ITPR3: variants seen among roughly 807,000 people sequenced by gnomAD.
ITPR3 encodes the protein inositol 1,4,5-trisphosphate receptor type 3, also known as inositol 1,4,5-trisphosphate-gated calcium channel ITPR3.
In ITPR3, 173 loss-of-function variants were observed where a neutral mutation model predicts 293.2. The observed-to-expected ratio is 0.59, with a 90% CI of 0.52 to 0.67. ITPR3 has a LOEUF of 0.67. Ranked by LOEUF, ITPR3 falls within the 30% of genes least tolerant of loss-of-function variation. ITPR3 has a pLI of 0.00. For synonymous variants in ITPR3, 1,295 were observed against 1,444.4 expected, an observed-to-expected ratio of 0.90 and a Z score of 2.35; for missense variants, 2,796 against 3,592.1, an observed-to-expected ratio of 0.78 and a Z score of 5.66.
rs1763448221 is a variant in ITPR3, at chr6:33,621,976, C to T, written c.89+285C>T. Reference sequence around the variant, plus strand: ...GAGGGGGCGGAGGGACGGAGGCTTCCTTTGCAGGTGGTCCCGGGGGCGGGC... The same window carrying T: ...GAGGGGGCGGAGGGACGGAGGCTTCTTTTGCAGGTGGTCCCGGGGGCGGGC... On this transcript the variant is annotated intron_variant, in intron 1 of 57. Transcript: ENST00000605930. The surrounding 1 kb of genome is among the most constrained non-coding windows in gnomAD (Gnocchi z 7.7). Among the ~76,000 whole-genome samples the T allele has an allele frequency of 6.6e-6, 1 of 152,154 alleles. No homozygotes were observed.
intron 6 of ITPR3, 89 bp downstream of exon 6, chr6:33,659,208 C>A: frequency 7.9e-7 from 1 of 1,264,530 alleles, no homozygotes; most frequent in Non-Finnish European, 1.1e-6. Flanking sequence ...ATGGTCTCTG[C>A]CTCCAGCCCC....
At chr6:33,686,617 T>C in intron 43 of ITPR3, 98 bp downstream of exon 43, 1 of 927,828 alleles carries the variant, frequency 1.1e-6, no homozygotes, top group Non-Finnish European at 1.8e-6. Context: ...TGGTGTGTAA[T>C]GTGGGTGTTA....
At chr6:33,629,265 G>A (rs1407439470) in intron 1 of ITPR3, among the ~76,000 whole-genome samples, 2 of 152,052 alleles carry the variant, frequency 1.3e-5, no homozygotes, top group Non-Finnish European at 2.9e-5. Flanking sequence ...ACATCCCTAT[G>A]TAACTACAGT....
chr6:33,689,025 G>A (rs543011805), intron 49 of ITPR3, among the ~76,000 whole-genome samples: 2 of 152,356 alleles, frequency 1.3e-5, no homozygotes, highest in South Asian at 4.1e-4. Context: ...ACGCATAGAT[G>A]TGTCAGCCAG....
chr6:33,644,332 A>G (rs1764018006), intron 2 of ITPR3, among the ~76,000 whole-genome samples: 1 of 150,100 alleles, frequency 6.7e-6, no homozygotes, highest in Non-Finnish European at 1.5e-5. Flanking sequence ...CTTGTTGTCC[A>G]GGCTGGTCTG....
chr6:33,663,412 C>T, intron 9 of ITPR3, 88 bp from the exon 10 acceptor site: 2 of 1,342,332 alleles, frequency 1.5e-6, no homozygotes, highest in Non-Finnish European at 2.1e-6. Flanking sequence ...AAACCCAGGG[C>T]CCTATGTAGG....
At position 33,675,992 on chromosome 6, in the gene ITPR3, T is replaced by C; in HGVS notation, c.3282+136T>C. ...ATTTGGGGTTTTCAGCCTTGCTGAGTTCCTAGGTGAAGACTGAGTCTCCTG... is the reference window on the plus strand; with the variant it reads ...ATTTGGGGTTTTCAGCCTTGCTGAGCTCCTAGGTGAAGACTGAGTCTCCTG... On this transcript the variant is annotated intron_variant, in intron 25 of 57. Transcript: ENST00000605930. This position sits in a 1 kb window ranked among gnomAD's most constrained non-coding sequence, Gnocchi z 5.0. 1 of 1,053,730 alleles carries C rather than the reference T, an allele frequency of 9.5e-7. No individual in the cohort carries two copies. The highest frequency in any genetic ancestry group is 1.3e-6 in the Non-Finnish European group (1 of 754,872). The allele number at this position is 1,053,730 out of a possible 1,614,324, so 65.3% of individuals were successfully genotyped here. A position where few individuals can be genotyped will look rare whatever the true frequency, so the allele number is the denominator to read the frequency against.
In ITPR3 at chr6:33,658,881, T is replaced by C. The variant is rs1030972182; in HGVS notation, c.528+53T>C. ...CCTGGTGGAACTCCCGAGGGGCTTC[T>C]GTAGGGTCTTCGGTGTGGGGACTGG... On this transcript the variant is annotated intron_variant, in intron 5 of 57. Transcript: ENST00000605930. The surrounding 1 kb of genome is among the most constrained non-coding windows in gnomAD (Gnocchi z 6.1). 5 of 1,608,430 alleles carry C rather than the reference T, an allele frequency of 3.1e-6. No individual in the cohort carries two copies. The highest frequency in any genetic ancestry group is 4.5e-5 in the East Asian group (2 of 44,780).
At chr6:33,642,820 C>T (rs1763980404) in intron 2 of ITPR3, among the ~76,000 whole-genome samples, 1 of 152,296 alleles carries the variant, frequency 6.6e-6, no homozygotes, top group African/African-American at 2.4e-5. Context: ...AAGGTTCAGA[C>T]TCCATCTCCT....
At chr6:33,630,144 T>C (rs148300329) in intron 1 of ITPR3, among the ~76,000 whole-genome samples, 3 of 152,306 alleles carry the variant, frequency 2.0e-5, no homozygotes, top group African/African-American at 4.8e-5. Context: ...CATTTTCTTA[T>C]GCCTCTTCAG....
At chr6:33,674,893 G>A (rs1319719061) in intron 24 of ITPR3, among the ~76,000 whole-genome samples, 1 of 152,170 alleles carries the variant, frequency 6.6e-6, no homozygotes, top group Non-Finnish European at 1.5e-5. Context: ...TCAAGGCAGC[G>A]ACGAATATAA....
chr6:33,672,223 C>G lies in ITPR3; in HGVS notation c.2923C>G (p.Leu975Val). Residue 975 changes from leucine to valine, a missense_variant, in exon 22 of 58, where the codon CTT (leucine) becomes GTT (valine). By Grantham distance (32) the Leu-to-Val change is conservative (BLOSUM62 1). Coordinates refer to ENST00000605930, the MANE Select transcript of ITPR3 (RefSeq NM_002224.4). This position sits in a 1 kb window ranked among gnomAD's most constrained non-coding sequence, Gnocchi z 5.0. ...METKLKILEI[L>V]QFILNVRLDY... ...GACCAAGCTGAAGATCCTGGAAATC[C>G]TTCAGGTGCCTGGGCCAGGACCGTG... 1 of 1,610,502 alleles carries G rather than the reference C, an allele frequency of 6.2e-7. No homozygotes were observed. The highest frequency in any genetic ancestry group is 8.5e-7 in the Non-Finnish European group (1 of 1,178,252).
intron 2 of ITPR3, among the ~76,000 whole-genome samples, chr6:33,649,803 C>A (rs1376718309): frequency 2.0e-5 from 3 of 152,102 alleles, no homozygotes; most frequent in Non-Finnish European, 2.9e-5. Flanking sequence ...TTTAAAAATG[C>A]ATATTCCTAG....
chr6:33,691,745 C>G lies in ITPR3; in HGVS notation c.7330+26C>G, dbSNP rs78563544. ...GTGAGGGTGGTGTGTGTGCAGGAGT[C>G]TGTGTGGGGTAGGAGGAGCAGGCAG... On this transcript the variant is annotated intron_variant, in intron 53 of 57. Transcript: ENST00000605930. This position sits in a 1 kb window ranked among gnomAD's most constrained non-coding sequence, Gnocchi z 4.9. 13 of 1,612,822 alleles carry G rather than the reference C, an allele frequency of 8.1e-6. No individual in the cohort carries two copies. The highest frequency in any genetic ancestry group is 2.2e-5 in the East Asian group (1 of 44,824).
At chr6:33,650,795 G>A (rs892371537) in intron 2 of ITPR3, among the ~76,000 whole-genome samples, 11 of 150,118 alleles carry the variant, frequency 7.3e-5, no homozygotes, top group African/African-American at 2.7e-4. Flanking sequence ...GGATCTTCAA[G>A]CTTTTTTTTT....
intron 2 of ITPR3, among the ~76,000 whole-genome samples, chr6:33,647,479 A>G (rs753106170): frequency 5.9e-5 from 9 of 152,196 alleles, no homozygotes; most frequent in Non-Finnish European, 8.8e-5. Context: ...TCATCTTGCA[A>G]AACTGAAACT....
chr6:33,688,217 A>G, intron 47 of ITPR3, 22 bp from the exon 48 acceptor site: 1 of 1,614,090 alleles, frequency 6.2e-7, no homozygotes. Context: ...GCCGGGCGTG[A>G]CCATGTGCTG....
chr6:33,682,563 A>C lies in ITPR3; in HGVS notation c.4516A>C (p.Thr1506Pro). 6.3e-7 allele frequency: 1 copy of C among 1,584,298 alleles called. No individual in the cohort carries two copies. Among genetic ancestry groups the C allele is most frequent in the South Asian group, 1.1e-5 (1 of 87,858 alleles). The change falls in exon 34 of 58, where the codon ACA becomes CCA. Residue 1506 changes from threonine (T) to proline (P), a missense_variant. By Grantham distance (38) the Thr-to-Pro change is conservative. Transcript: ENST00000605930. The surrounding 1 kb of genome is among the most constrained non-coding windows in gnomAD (Gnocchi z 5.4). ...TIVVQLLQST[T>P]RLLECPWLQQ... The stretch of plus-strand genomic sequence containing the variant: ...TGTGGTGCAGCTGCTGCAGTCTACC[A>C]CACGCCTCCTCGAGTGTCCGTGGCT...
Position 33,659,247 on chromosome 6 carries a change from A to C in ITPR3, c.627+128A>C, listed in dbSNP as rs541169175. On this transcript the variant is annotated intron_variant, in intron 6 of 57. Transcript: ENST00000605930. Reference sequence around the variant, plus strand: ...TGACCTGCCGGACAAGCTGGGCCTCACGGCTTCTGCATCCATTTCCCAACA... The same window carrying C: ...TGACCTGCCGGACAAGCTGGGCCTCCCGGCTTCTGCATCCATTTCCCAACA... 6.5e-5 allele frequency: 62 copies of C among 947,528 alleles called. No homozygotes were observed. The African/African-American group carries it at 8.1e-4, about 12-fold the overall frequency. 58.7% of individuals were successfully genotyped at this position (947,528 alleles called of 1,614,324 possible).
Sources: gnomAD v4.1 joint callset for allele counts (sites outside exome capture counted in the v4.1 genomes callset) on GRCh38, gnomAD v4.1.1 for gene constraint, Gnocchi (gnomAD v3.1) non-coding constraint, MANE v1.5 for transcripts, NCBI Gene and HGNC (gene_info 2026-07-23, HGNC 2026-07-21) for gene names.